The following ABTB3 variants were observed in gnomAD, a reference collection of about 807,000 sequenced individuals.
ABTB3 encodes the protein ankyrin repeat and BTB domain containing 3, also known as ankyrin repeat- and BTB/POZ domain-containing protein 3.
At chr12:107,425,910 A>G in the ABTB3 span, among the ~76,000 whole-genome samples, 1,059 of 152,314 alleles carry the variant, frequency 7.0e-3, 6 homozygotes, top group Non-Finnish European at 0.01. Flanking sequence ...GCCTCCACCC[A>G]GTTGGGTTCG....
the ABTB3 span, among the ~76,000 whole-genome samples, chr12:107,638,732 C>T: frequency 6.6e-6 from 1 of 152,196 alleles, no homozygotes; most frequent in Non-Finnish European, 1.5e-5. Flanking sequence ...TCCATAAATT[C>T]ACTCATTCGT....
At chr12:107,367,463 G>C in the ABTB3 span, among the ~76,000 whole-genome samples, 2 of 151,582 alleles carry the variant, frequency 1.3e-5, no homozygotes, top group Non-Finnish European at 2.9e-5. Context: ...ATTATGCAAG[G>C]GCTCTCTCTC....
the ABTB3 span, among the ~76,000 whole-genome samples, chr12:107,620,662 G>T: frequency 6.6e-6 from 1 of 152,074 alleles, no homozygotes; most frequent in East Asian, 1.9e-4. Context: ...CCCTGCTGAG[G>T]TTTCTGAAAA....
the ABTB3 span, among the ~76,000 whole-genome samples, chr12:107,485,179 G>A: frequency 6.6e-6 from 1 of 152,118 alleles, no homozygotes; most frequent in East Asian, 1.9e-4. Flanking sequence ...TGGCAAAACA[G>A]AATTCAAACC....
the ABTB3 span, among the ~76,000 whole-genome samples, chr12:107,480,486 G>C: frequency 6.6e-6 from 1 of 152,262 alleles, no homozygotes; most frequent in East Asian, 1.9e-4. Context: ...CTTGGTGAGG[G>C]AGATGATGTG....
the ABTB3 span, among the ~76,000 whole-genome samples, chr12:107,494,992 G>T: frequency 2.0e-5 from 3 of 152,346 alleles, no homozygotes; most frequent in East Asian, 5.8e-4. Context: ...CACTAAGAGA[G>T]CCAGGGAAAT....
chr12:107,581,096 C>T, the ABTB3 span: 3 of 1,545,330 alleles, frequency 1.9e-6, no homozygotes, highest in Non-Finnish European at 2.6e-6. Flanking sequence ...AAGCCGGCAG[C>T]CCCTGCCTCC....
the ABTB3 span, among the ~76,000 whole-genome samples, chr12:107,535,023 C>T: frequency 6.6e-6 from 1 of 152,130 alleles, no homozygotes; most frequent in African/African-American, 2.4e-5. Context: ...CCTCAGTGAA[C>T]ATAAATGCAA....
chr12:107,514,831 T>G, the ABTB3 span, among the ~76,000 whole-genome samples: 2 of 152,194 alleles, frequency 1.3e-5, no homozygotes, highest in African/African-American at 4.8e-5. Context: ...ATATTTAAAT[T>G]TCATAATCCT....
chr12:107,343,781 G>A, the ABTB3 span, among the ~76,000 whole-genome samples: 16 of 152,272 alleles, frequency 1.1e-4, no homozygotes, highest in South Asian at 2.1e-4. Context: ...AGCAGGCACC[G>A]TCTTCACAGG....
chr12:107,456,793 T>C, the ABTB3 span, among the ~76,000 whole-genome samples: 1 of 151,904 alleles, frequency 6.6e-6, no homozygotes, highest in Non-Finnish European at 1.5e-5. Context: ...TGACAGAACC[T>C]GGATTTGAAC....
At chr12:107,380,048 C>T in the ABTB3 span, among the ~76,000 whole-genome samples, 312 of 152,274 alleles carry the variant, frequency 2.0e-3, no homozygotes, top group Non-Finnish European at 4.0e-3. Context: ...TGGCATTGCG[C>T]GATGCTGTGA....
chr12:107,505,815 G>T, the ABTB3 span, among the ~76,000 whole-genome samples: 1 of 152,126 alleles, frequency 6.6e-6, no homozygotes, highest in South Asian at 2.1e-4. Flanking sequence ...TGTTAGTTAA[G>T]GATAATGGCC....
At chr12:107,354,767 T>C in the ABTB3 span, among the ~76,000 whole-genome samples, 1 of 152,292 alleles carries the variant, frequency 6.6e-6, no homozygotes, top group East Asian at 1.9e-4. Context: ...CACTTGTTAT[T>C]ATCTGTATTT....
chr12:107,412,444 G>GT, the ABTB3 span, among the ~76,000 whole-genome samples: 1 of 152,198 alleles, frequency 6.6e-6, no homozygotes, highest in East Asian at 1.9e-4. Context: ...CCATTTGTGC[G>GT]TAACGTCCAC....
At chr12:107,627,807 C>T in the ABTB3 span, among the ~76,000 whole-genome samples, 1 of 152,202 alleles carries the variant, frequency 6.6e-6, no homozygotes, top group African/African-American at 2.4e-5. Context: ...GGAAAAAGTA[C>T]TACTTAAAGA....
chr12:107,547,127 G>A, the ABTB3 span, among the ~76,000 whole-genome samples: 23 of 151,908 alleles, frequency 1.5e-4, no homozygotes, highest in East Asian at 5.8e-4. Context: ...CTGGGAGGTC[G>A]AGGCTGCAGT....
At chr12:107,459,941 CA>C in the ABTB3 span, among the ~76,000 whole-genome samples, 1 of 152,160 alleles carries the variant, frequency 6.6e-6, no homozygotes, top group African/African-American at 2.4e-5. Context: ...CTAAAGCAGC[CA>C]GGGGGGCAGG....
chr12:107,352,964 A>C, the ABTB3 span, among the ~76,000 whole-genome samples: 11 of 152,084 alleles, frequency 7.2e-5, no homozygotes, highest in African/African-American at 2.7e-4. Context: ...CACTGTGGAG[A>C]GGGTAAGTAT....
Sources: allele counts gnomAD v4.1 joint callset (sites outside exome capture counted in the v4.1 genomes callset), GRCh38; gene constraint gnomAD v4.1.1; transcripts MANE v1.5; gene names NCBI Gene and HGNC (gene_info 2026-07-23, HGNC 2026-07-21).